Variants in MAP3K15 observed in about 807,000 individuals in gnomAD.
MAP3K15 encodes MAPK/ERK kinase kinase 15.
A neutral mutation model predicts 99.5 loss-of-function variants in MAP3K15; 124 were observed. That is an observed-to-expected ratio of 1.25 (90% CI 1.08 to 1.45). The LOEUF (loss-of-function observed/expected upper bound fraction) is 1.45, where lower values mean the gene tolerates loss of function less well. Ranked by LOEUF, MAP3K15 falls within the 40% of genes most tolerant of loss-of-function variation. The pLI, the probability that MAP3K15 is intolerant of heterozygous loss-of-function variation, is 0.00. For synonymous variants in MAP3K15, 494 were observed against 439.6 expected (o/e 1.12, Z -1.55); for missense variants, 1,242 against 1,079.7 (o/e 1.15, Z -2.11).
At chrX:19,387,736 G>A (rs1324210469) in intron 18 of MAP3K15, among the ~76,000 whole-genome samples, 1 of 111,453 alleles carries the variant, frequency 9.0e-6, no homozygotes, top group Non-Finnish European at 1.9e-5. Context: ...GGTTCCAGGG[G>A]CTGCCCAATA....
At chrX:19,486,457 A>T in intron 3 of MAP3K15, 25 bp downstream of exon 3, 1 of 738,034 alleles carries the variant, frequency 1.4e-6, no homozygotes, top group Non-Finnish European at 1.9e-6. Context: ...TTCAGAATTA[A>T]AATTCTGAAA....
At chrX:19,384,101 G>A (rs2063478070) in intron 18 of MAP3K15, among the ~76,000 whole-genome samples, 1 of 112,230 alleles carries the variant, frequency 8.9e-6, no homozygotes, top group Admixed American at 9.5e-5. Flanking sequence ...TCCATCAACA[G>A]ATGAATGGAT....
At chrX:19,378,400 T>G (rs1418658336) in intron 19 of MAP3K15, among the ~76,000 whole-genome samples, 2 of 111,971 alleles carry the variant, frequency 1.8e-5, no homozygotes, top group African/African-American at 6.5e-5. Flanking sequence ...GTTTAATTGA[T>G]TCACAGTTCC....
In MAP3K15 at chrX:19,515,204, G is replaced by T; in HGVS notation, c.58C>A (p.Pro20Thr). ...AGALGAASESPQCPPPPGVEG... is the reference protein window; with the variant it reads ...AGALGAASESTQCPPPPGVEG... ...ACCCCCGGCGGCGGCGGGCACTGAG[G>T]GGACTCGCTCGCCGCCCCGAGGGCC... The change falls in exon 1 of 29, where the codon CCT (proline) becomes ACT (threonine). Residue 20 changes from proline (P) to threonine (T), a missense_variant. By Grantham distance (38) the Pro-to-Thr change is conservative (BLOSUM62 -1). Transcript: ENST00000338883. 1.1e-6 allele frequency: 1 copy of T among 878,938 alleles called. No individual in the cohort carries two copies. Among genetic ancestry groups the T allele is most frequent in the South Asian group, 6.0e-5 (1 of 16,594 alleles). The allele number at this position is 878,938 out of a possible 1,213,427, so 72.4% of individuals were successfully genotyped here. A position where few individuals can be genotyped will look rare whatever the true frequency, so the allele number is the denominator to read the frequency against.
chrX:19,393,539 A>G (rs1272198437), intron 16 of MAP3K15, among the ~76,000 whole-genome samples: 1 of 109,907 alleles, frequency 9.1e-6, no homozygotes, highest in Non-Finnish European at 1.9e-5. Flanking sequence ...GCTGAGGCAG[A>G]GAGAATTGCT....
chrX:19,511,828 A>C (rs2064520861), intron 1 of MAP3K15, among the ~76,000 whole-genome samples: 1 of 112,133 alleles, frequency 8.9e-6, no homozygotes, highest in Non-Finnish European at 1.9e-5. Flanking sequence ...GTATATACCC[A>C]AAGGATTATA....
At chrX:19,476,597 T>C (rs2064244733) in intron 3 of MAP3K15, among the ~76,000 whole-genome samples, 1 of 112,120 alleles carries the variant, frequency 8.9e-6, no homozygotes, top group South Asian at 3.7e-4. Context: ...ATGCAGTGGT[T>C]TTCTTTTTAG....
At chrX:19,505,887 C>G (rs2147431188) in intron 1 of MAP3K15, among the ~76,000 whole-genome samples, 1 of 109,308 alleles carries the variant, frequency 9.1e-6, no homozygotes, top group Non-Finnish European at 1.9e-5. Context: ...GCTGGGATTA[C>G]AAGTGCACGC....
At chrX:19,391,750 T>C (rs1025361666) in intron 18 of MAP3K15, among the ~76,000 whole-genome samples, 15 of 104,933 alleles carry the variant, frequency 1.4e-4, no homozygotes, top group Non-Finnish European at 2.9e-4. Flanking sequence ...AGCAGAGCAC[T>C]CCATCTACCC....
chrX:19,417,638 G>C (rs1160838471), intron 9 of MAP3K15, among the ~76,000 whole-genome samples: 1 of 112,043 alleles, frequency 8.9e-6, no homozygotes, highest in Non-Finnish European at 1.9e-5. Context: ...CAGACAAAAG[G>C]CATCAGAATC....
intron 3 of MAP3K15, among the ~76,000 whole-genome samples, chrX:19,480,273 T>C (rs769626969): frequency 3.6e-5 from 4 of 111,020 alleles, no homozygotes; most frequent in African/African-American, 1.3e-4. Context: ...TCTCCAGAAA[T>C]GGAAAAGCTG....
At chrX:19,454,018 G>C (rs2064075294) in intron 6 of MAP3K15, among the ~76,000 whole-genome samples, 2 of 111,008 alleles carry the variant, frequency 1.8e-5, no homozygotes, top group African/African-American at 6.5e-5. Context: ...GTGTGGGCTG[G>C]ATTCAGTCAC....
At chrX:19,486,400 G>C in intron 3 of MAP3K15, 82 bp downstream of exon 3, 1 of 408,835 alleles carries the variant, frequency 2.4e-6, no homozygotes, top group South Asian at 5.0e-5. Context: ...CTTGCTACCT[G>C]GGCGATTTTC....
At chrX:19,372,938 C>A (rs1407723572) in intron 21 of MAP3K15, 111 bp from the exon 22 acceptor site, 8 of 728,246 alleles carry the variant, frequency 1.1e-5, no homozygotes, top group Non-Finnish European at 1.6e-5. Context: ...CGATGCAGTC[C>A]CTGTGCTCAA....
At chrX:19,426,987 T>C (rs928718343) in intron 7 of MAP3K15, among the ~76,000 whole-genome samples, 8 of 109,918 alleles carry the variant, frequency 7.3e-5, no homozygotes, top group Non-Finnish European at 1.1e-4. Context: ...TCAATTCTAA[T>C]CCTACTCCCA....
chrX:19,360,950 G>T (rs778678656), intron 28 of MAP3K15, 117 bp from the exon 29 acceptor site: 2 of 510,668 alleles, frequency 3.9e-6, no homozygotes, highest in East Asian at 3.6e-5. Context: ...ACATATGGAG[G>T]TGACGCTCGT....
intron 6 of MAP3K15, among the ~76,000 whole-genome samples, chrX:19,437,214 T>C (rs1049639554): frequency 4.5e-5 from 5 of 111,647 alleles, no homozygotes; most frequent in Non-Finnish European, 9.4e-5. Context: ...AGCCATGTCA[T>C]TTCCTGCTTC....
At chrX:19,378,746 G>T (rs772551247) in intron 19 of MAP3K15, among the ~76,000 whole-genome samples, 24 of 111,615 alleles carry the variant, frequency 2.2e-4, no homozygotes, top group Admixed American at 3.8e-4. Flanking sequence ...GTACACCGGG[G>T]TGTCCTGGCA....
intron 24 of MAP3K15, among the ~76,000 whole-genome samples, chrX:19,369,911 G>GAAA (rs1225091488): frequency 2.0e-5 from 2 of 100,414 alleles, no homozygotes; most frequent in South Asian, 8.5e-4. Flanking sequence ...CTCTGTCTCA[G>GAAA]AAAAAAAAAA....
Sources: gnomAD v4.1 joint callset for allele counts (sites outside exome capture counted in the v4.1 genomes callset) on GRCh38, gnomAD v4.1.1 for gene constraint, MANE v1.5 for transcripts, NCBI Gene and HGNC (gene_info 2026-07-23, HGNC 2026-07-21) for gene names.